KCNK9: variants seen among roughly 807,000 people sequenced by gnomAD.
KCNK9 encodes potassium two pore domain channel subfamily K member 9.
KCNK9 carries 1 observed loss-of-function variant against 10.8 expected under a neutral mutation model. That is an observed-to-expected ratio of 0.09 (90% CI 0.03 to 0.44). The LOEUF (loss-of-function observed/expected upper bound fraction) is 0.44, where lower values mean the gene tolerates loss of function less well. Ranked by LOEUF, KCNK9 falls within the 20% of genes least tolerant of loss-of-function variation. The probability of loss-of-function intolerance (pLI) is 0.97; values close to 1 mark genes in which losing one functional copy is unlikely to be tolerated. For synonymous variants in KCNK9, 231 were observed against 222.7 expected, an observed-to-expected ratio of 1.04 and a Z score of -0.33; for missense variants, 303 against 515.0, an observed-to-expected ratio of 0.59 and a Z score of 3.98.
intron 1 of KCNK9, among the ~76,000 whole-genome samples, chr8:139,697,177 CAGAT>C: frequency 9.1e-6 from 1 of 110,350 alleles, no homozygotes; most frequent in Non-Finnish European, 1.9e-5. Flanking sequence ...GGTGGGTGGA[CAGAT>C]GGATGGTGGA....
downstream of KCNK9, chr8:139,611,949 G>C (rs1814438984): frequency 6.6e-6 from 1 of 152,202 alleles, no homozygotes; most frequent in Non-Finnish European, 1.5e-5. Flanking sequence ...CTTCCGTCTG[G>C]GGCACTGCCC....
intron 1 of KCNK9, among the ~76,000 whole-genome samples, chr8:139,676,192 G>A (rs1816545577): frequency 6.6e-6 from 1 of 152,256 alleles, no homozygotes; most frequent in South Asian, 2.1e-4. Context: ...CCACTGAGAA[G>A]TGAGGGCAGT....
intron 1 of KCNK9, among the ~76,000 whole-genome samples, chr8:139,641,389 TCAGCC>T (rs1815500696): frequency 6.6e-6 from 1 of 152,124 alleles, no homozygotes; most frequent in Non-Finnish European, 1.5e-5. Context: ...GACATAGGGC[TCAGCC>T]CAGACAATCA....
intron 1 of KCNK9, among the ~76,000 whole-genome samples, chr8:139,700,514 GCGCGCGCACACACACACACACACA>G (rs1382801641): frequency 5.3e-5 from 7 of 130,850 alleles, no homozygotes; most frequent in East Asian, 4.7e-4. Flanking sequence ...ACACACGCGC[GCGCGCGCACACACACACACACACA>G]CGCGCGCACA....
At chr8:139,663,315 A>T (rs1035605941) in intron 1 of KCNK9, among the ~76,000 whole-genome samples, 46 of 152,072 alleles carry the variant, frequency 3.0e-4, no homozygotes, top group African/African-American at 9.9e-4. Flanking sequence ...GGTCAGCGCG[A>T]GGCCAACACA....
rs182660044 is a variant in KCNK9, at chr8:139,603,611, G to T, written c.*1-2010C>A. On this transcript the variant is annotated intron_variant, in intron 2 of 2. Coordinates refer to the KCNK9 transcript ENST00000650269. ...AGACCAAGAGCAAACAGGGTATACG[G>T]CCAGGACTGTCCACCTTGCTCTCTG... Among the ~76,000 whole-genome samples, 142 of 152,324 alleles carry T rather than the reference G, an allele frequency of 9.3e-4. 1 individual carries two copies. The highest frequency in any genetic ancestry group is 1.5e-4 in the Non-Finnish European group (10 of 68,032).
At chr8:139,680,884 C>G (rs1370516631) in intron 1 of KCNK9, among the ~76,000 whole-genome samples, 1 of 152,210 alleles carries the variant, frequency 6.6e-6, no homozygotes, top group Non-Finnish European at 1.5e-5. Flanking sequence ...CTCACAATCT[C>G]CATGGTCCTG....
At chr8:139,605,011 A>T (rs1043516766) in intron 2 of KCNK9, among the ~76,000 whole-genome samples, 3 of 152,160 alleles carry the variant, frequency 2.0e-5, no homozygotes, top group African/African-American at 7.2e-5. Context: ...TAAGGGCACG[A>T]CCCAGAAACC....
rs1814702239 is a variant in KCNK9 at position 139,619,249 on chromosome 8, A to G, written c.284-150T>C. On this transcript the variant is annotated intron_variant, in intron 1 of 1. Transcript: ENST00000520439. ...CTCTGCAGGGTAGAGGGGCGTGGCC[A>G]TATATTGGAGGGAGGAGAACAAAGG... 2.7e-5 allele frequency: 23 copies of G among 858,828 alleles called. No individual in the cohort carries two copies. In the South Asian group the frequency reaches 3.6e-4, roughly 13 times the overall value. 53.2% of individuals were successfully genotyped at this position (858,828 alleles called of 1,614,324 possible).
intron 1 of KCNK9, among the ~76,000 whole-genome samples, chr8:139,665,305 A>T (rs1206292177): frequency 6.6e-6 from 1 of 152,120 alleles, no homozygotes; most frequent in Non-Finnish European, 1.5e-5. Flanking sequence ...TCTTCAAAGC[A>T]GGGCTGTAGT....
chr8:139,692,335 G>C (rs1174458976), intron 1 of KCNK9, among the ~76,000 whole-genome samples: 1 of 152,228 alleles, frequency 6.6e-6, no homozygotes, highest in African/African-American at 2.4e-5. Flanking sequence ...GCACATTTGG[G>C]CAATGACAAG....
intron 1 of KCNK9, among the ~76,000 whole-genome samples, chr8:139,622,909 G>A (rs1296191374): frequency 1.3e-5 from 2 of 152,104 alleles, no homozygotes; most frequent in Admixed American, 1.3e-4. Context: ...GTAGAATAAC[G>A]GCACATGTGA....
rs1215092480 is a variant in KCNK9 at position 139,687,549 on chromosome 8, CAT to C, written c.283+15159_283+15160del. On this transcript the variant is annotated intron_variant, in intron 1 of 1. Transcript: ENST00000520439. ...TCATATATATGTATACACATATATT[CAT>C]ATATATGTATACATATATTCATATA... Among the ~76,000 whole-genome samples the C allele has an allele frequency of 1.6e-5, 2 of 121,906 alleles. 1 individual carries two copies. Among genetic ancestry groups the C allele is most frequent in the Admixed American group, 1.8e-4 (2 of 11,276 alleles). 80.0% of individuals were successfully genotyped at this position (121,906 alleles called of 152,430 possible).
Position 139,618,454 on chromosome 8 carries a change from C to T in KCNK9, c.929G>A (p.Arg310His), listed in dbSNP as rs756601239. 3.1e-6 allele frequency: 5 copies of T among 1,613,836 alleles called. No individual in the cohort carries two copies. Among genetic ancestry groups the T allele is most frequent in the South Asian group, 2.2e-5 (2 of 91,076 alleles). ...TCYRSQDYGGRSVAPQNSFSA... is the reference protein window; with the variant it reads ...TCYRSQDYGGHSVAPQNSFSA... ...GAAGGAGTTCTGCGGTGCCACCGAG[C>T]GGCCGCCATAGTCCTGCGAGCGGTA... is the stretch of plus-strand genomic sequence containing the variant. The change falls in exon 2 of 2, where the codon CGC becomes CAC. Residue 310 changes from arginine to histidine, a missense_variant. By Grantham distance (29) the Arg-to-His change is conservative (BLOSUM62 0). Coordinates refer to ENST00000520439, the MANE Select transcript of KCNK9 (RefSeq NM_001282534.2). The surrounding 1 kb of genome is among the most constrained non-coding windows in gnomAD (Gnocchi z 7.9).
intron 1 of KCNK9, among the ~76,000 whole-genome samples, chr8:139,636,618 A>ACC (rs1369154478): frequency 2.0e-5 from 3 of 152,214 alleles, no homozygotes; most frequent in Non-Finnish European, 1.5e-5. Flanking sequence ...CAGAGCGAGG[A>ACC]CCCCCAGGAA....
chr8:139,616,135 C>T (rs1241857110), downstream of KCNK9: 1 of 152,166 alleles, frequency 6.6e-6, no homozygotes, highest in African/African-American at 2.4e-5. Flanking sequence ...GATCACACCC[C>T]CCAACCATTT....
chr8:139,652,684 T>C (rs1586666003), intron 1 of KCNK9, among the ~76,000 whole-genome samples: 1 of 152,200 alleles, frequency 6.6e-6, no homozygotes, highest in East Asian at 1.9e-4. Context: ...TAAAGGCCTT[T>C]CAGGAGAAAA....
intron 1 of KCNK9, among the ~76,000 whole-genome samples, chr8:139,622,631 G>A (rs1055371708): frequency 2.0e-5 from 3 of 152,138 alleles, no homozygotes; most frequent in Non-Finnish European, 2.9e-5. Flanking sequence ...ACCTGCCTAC[G>A]TGTTCGAGAA....
chr8:139,625,854 G>A (rs1276651759), intron 1 of KCNK9, among the ~76,000 whole-genome samples: 2 of 152,172 alleles, frequency 1.3e-5, no homozygotes, highest in Admixed American at 1.3e-4. Flanking sequence ...CTAGAAGGCA[G>A]CACTCACTTC....
Sources: gnomAD v4.1 joint callset for allele counts (sites outside exome capture counted in the v4.1 genomes callset) on GRCh38, gnomAD v4.1.1 for gene constraint, Gnocchi (gnomAD v3.1) non-coding constraint, MANE v1.5 for transcripts, NCBI Gene and HGNC (gene_info 2026-07-23, HGNC 2026-07-21) for gene names.